The following SLC10A7 variants were observed in gnomAD, a reference collection of about 807,000 sequenced individuals.
SLC10A7 encodes solute carrier family 10 member 7, also known as sodium/bile acid cotransporter 7.
In SLC10A7, 29 loss-of-function variants were observed where a neutral mutation model predicts 43.2. The observed-to-expected ratio is 0.67, with a 90% CI of 0.50 to 0.92. The LOEUF (loss-of-function observed/expected upper bound fraction) is 0.92. Ranked by LOEUF, SLC10A7 falls within the 40% of genes least tolerant of loss-of-function variation. The pLI is 0.00. For missense variants in SLC10A7, 295 were observed against 403.2 expected (o/e 0.73, Z 2.30); for synonymous variants, 152 against 144.8 (o/e 1.05, Z -0.35).
At position 146,480,503 on chromosome 4, in the gene SLC10A7, A is replaced by G. The variant is rs540325194; in HGVS notation, c.396+23346T>C. Among the ~76,000 whole-genome samples the G allele has an allele frequency of 4.6e-5, 7 of 152,282 alleles. No individual in the cohort carries two copies. The South Asian group carries it at 1.5e-3, about 32-fold the overall frequency. ...CCCCACGTCCTATTCTTGCTGCTCC[A>G]TTGTCATTAGCAGGCATCTCATGAG... On this transcript the variant is annotated intron_variant, in intron 4 of 11. Coordinates refer to ENST00000335472, the MANE Select transcript of SLC10A7 (RefSeq NM_001029998.6).
intron 9 of SLC10A7, among the ~76,000 whole-genome samples, chr4:146,290,050 C>T (rs551272874): frequency 8.9e-5 from 13 of 146,434 alleles, no homozygotes; most frequent in East Asian, 6.6e-4. Context: ...TTGGGCTGGG[C>T]GTGGTGGCTC....
chr4:146,390,147 A>G (rs1738312581), intron 5 of SLC10A7, among the ~76,000 whole-genome samples: 1 of 152,210 alleles, frequency 6.6e-6, no homozygotes, highest in African/African-American at 2.4e-5. Flanking sequence ...TATCTTACAC[A>G]GAATAATCAG....
chr4:146,495,766 A>AACACACACAC (rs57202992), intron 4 of SLC10A7, among the ~76,000 whole-genome samples: 3,187 of 139,562 alleles, frequency 0.023, 81 homozygotes, highest in Admixed American at 0.056. Flanking sequence ...GATGAAAGTA[A>AACACACACAC]ACACACACAC....
intron 1 of SLC10A7, 37 bp downstream of exon 1, chr4:146,521,581 G>A: frequency 6.4e-7 from 1 of 1,561,932 alleles, no homozygotes; most frequent in South Asian, 1.1e-5. Context: ...TTCTGAAGTG[G>A]GAGCCGCGGT....
intron 5 of SLC10A7, among the ~76,000 whole-genome samples, chr4:146,330,625 T>C (rs1733466975): frequency 6.6e-6 from 1 of 152,196 alleles, no homozygotes; most frequent in Non-Finnish European, 1.5e-5. Flanking sequence ...AATTAAGTTT[T>C]GGGGAAGTCA....
At chr4:146,433,991 T>C (rs1307417575) in intron 5 of SLC10A7, among the ~76,000 whole-genome samples, 1 of 152,224 alleles carries the variant, frequency 6.6e-6, no homozygotes. Context: ...CAAATATTTA[T>C]GTACAAAAAT....
chr4:146,452,484 A>G (rs1252825313), intron 4 of SLC10A7, among the ~76,000 whole-genome samples: 2 of 152,148 alleles, frequency 1.3e-5, no homozygotes, highest in African/African-American at 4.8e-5. Flanking sequence ...TTCTATCTGT[A>G]AGGCACTTTC....
intron 9 of SLC10A7, among the ~76,000 whole-genome samples, chr4:146,291,581 C>A (rs763401652): frequency 3.3e-5 from 5 of 152,162 alleles, no homozygotes; most frequent in Non-Finnish European, 2.9e-5. Flanking sequence ...TCAAGCCTAC[C>A]TTTCCAGTTA....
At chr4:146,520,069 A>T (rs1210891388) in intron 1 of SLC10A7, among the ~76,000 whole-genome samples, 2 of 152,222 alleles carry the variant, frequency 1.3e-5, no homozygotes, top group Non-Finnish European at 2.9e-5. Flanking sequence ...CTTCCCACAG[A>T]ATATTTAGGA....
intron 10 of SLC10A7, among the ~76,000 whole-genome samples, chr4:146,263,822 G>A (rs1728382384): frequency 6.6e-6 from 1 of 152,188 alleles, no homozygotes; most frequent in African/African-American, 2.4e-5. Context: ...GATGTTAGAA[G>A]GCACATATTG....
Position 146,521,629 on chromosome 4 carries a change from C to T in SLC10A7, c.89G>A (p.Gly30Glu). ...IAGAKLEPSIGVNGGPLKPEI... is the reference protein window; with the variant it reads ...IAGAKLEPSIEVNGGPLKPEI... ...GGTGCAGCACTTACCCCCATTCACC[C>T]CTATGGACGGCTCCAGTTTAGCTCC... Residue 30 changes from glycine (G) to glutamate (E), a missense_variant, in exon 1 of 12, where the codon GGG becomes GAG. Physicochemically the swap from Gly to Glu is moderately conservative, Grantham distance 98. This residue lies in a region of SLC10A7 where 53 missense variants were observed against 40.7 expected (regional missense o/e 1.30). Transcript: ENST00000335472. The T allele has an allele frequency of 6.2e-7, 1 of 1,613,952 alleles. No individual in the cohort carries two copies. Among genetic ancestry groups the T allele is most frequent in the Admixed American group, 1.7e-5 (1 of 60,016 alleles).
intron 4 of SLC10A7, among the ~76,000 whole-genome samples, chr4:146,452,823 A>G (rs1048298052): frequency 6.6e-6 from 1 of 152,012 alleles, no homozygotes; most frequent in Admixed American, 6.6e-5. Context: ...TTTAAGTACC[A>G]TTACTTAAAT....
chr4:146,382,110 T>A (rs1291324377), intron 5 of SLC10A7, among the ~76,000 whole-genome samples: 1 of 152,144 alleles, frequency 6.6e-6, no homozygotes, highest in Non-Finnish European at 1.5e-5. Context: ...TTTTGTATAT[T>A]TTTACCTCTG....
At chr4:146,349,073 A>G (rs1276718899) in intron 5 of SLC10A7, among the ~76,000 whole-genome samples, 1 of 152,234 alleles carries the variant, frequency 6.6e-6, no homozygotes, top group Admixed American at 6.5e-5. Flanking sequence ...ATGCTGAAAT[A>G]TGTTTTCTCA....
chr4:146,335,123 G>T (rs557348228), intron 5 of SLC10A7, among the ~76,000 whole-genome samples: 1 of 151,992 alleles, frequency 6.6e-6, no homozygotes, highest in Non-Finnish European at 1.5e-5. Flanking sequence ...AGTGTTTGGG[G>T]ATCCTCAATA....
intron 2 of SLC10A7, among the ~76,000 whole-genome samples, chr4:146,515,324 A>C (rs1737844892): frequency 6.6e-6 from 1 of 152,232 alleles, no homozygotes; most frequent in Non-Finnish European, 1.5e-5. Context: ...ACCTCCAAGC[A>C]AGATCAGTCC....
intron 2 of SLC10A7, among the ~76,000 whole-genome samples, chr4:146,513,590 C>T (rs1475910036): frequency 6.6e-6 from 1 of 152,114 alleles, no homozygotes; most frequent in Non-Finnish European, 1.5e-5. Context: ...ATTGCCATTG[C>T]ATCAGAATGA....
chr4:146,410,840 T>A (rs931390245), intron 5 of SLC10A7, among the ~76,000 whole-genome samples: 1 of 152,156 alleles, frequency 6.6e-6, no homozygotes, highest in Non-Finnish European at 1.5e-5. Context: ...CCTTTATTTA[T>A]GTATTTATTT....
chr4:146,292,643 G>GT (rs1730516460), intron 9 of SLC10A7, among the ~76,000 whole-genome samples: 1 of 152,138 alleles, frequency 6.6e-6, no homozygotes, highest in Admixed American at 6.6e-5. Flanking sequence ...GCAATGGATG[G>GT]TTTGCACCTG....
Sources: gnomAD v4.1 joint callset for allele counts (sites outside exome capture counted in the v4.1 genomes callset) on GRCh38, gnomAD v4.1.1 for gene constraint, gnomAD v4.1.1 regional missense constraint, MANE v1.5 for transcripts, NCBI Gene and HGNC (gene_info 2026-07-23, HGNC 2026-07-21) for gene names.